MED12L: variants seen among roughly 807,000 people sequenced by gnomAD.
MED12L encodes the protein mediator of RNA polymerase II transcription subunit 12-like protein.
MED12L carries 60 observed loss-of-function variants against 281.3 expected under a neutral mutation model. The observed-to-expected ratio is 0.21, with a 90% CI of 0.17 to 0.26. The LOEUF (loss-of-function observed/expected upper bound fraction) is 0.26, where lower values mean the gene tolerates loss of function less well. Ranked by LOEUF, MED12L falls within the 10% of genes least tolerant of loss-of-function variation. The pLI, the probability that MED12L is intolerant of heterozygous loss-of-function variation, is 1.00. For missense variants in MED12L, 2,146 were observed against 2,680.9 expected, an observed-to-expected ratio of 0.80 and a Z score of 4.41; for synonymous variants, 974 against 987.2, an observed-to-expected ratio of 0.99 and a Z score of 0.25.
intron 40 of MED12L, among the ~76,000 whole-genome samples, 173 bp downstream of exon 40, chr3:151,409,505 T>G (rs1716721430): frequency 6.6e-6 from 1 of 152,254 alleles, no homozygotes; most frequent in Non-Finnish European, 1.5e-5. Context: ...ATTGTTGAAG[T>G]CTTAGGATTG....
intron 2 of MED12L, among the ~76,000 whole-genome samples, chr3:151,102,228 C>T (rs1044759221): frequency 2.6e-5 from 4 of 152,110 alleles, no homozygotes; most frequent in African/African-American, 9.7e-5. Context: ...TTATTGACCT[C>T]CTTGTGGGCT....
intron 16 of MED12L, among the ~76,000 whole-genome samples, chr3:151,208,824 G>A (rs907962883): frequency 1.6e-4 from 25 of 152,210 alleles, no homozygotes; most frequent in African/African-American, 6.0e-4. Context: ...TCTGGGGCAG[G>A]TTTAGCAGGT....
At chr3:151,207,550 G>T (rs777878914) in intron 16 of MED12L, among the ~76,000 whole-genome samples, 3 of 152,136 alleles carry the variant, frequency 2.0e-5, no homozygotes, top group Non-Finnish European at 4.4e-5. Context: ...GTGAGGAAAA[G>T]ATTGAGACCA....
intron 2 of MED12L, among the ~76,000 whole-genome samples, chr3:151,107,624 G>A (rs969968862): frequency 5.9e-5 from 9 of 152,084 alleles, no homozygotes; most frequent in South Asian, 2.1e-4. Context: ...AAAAGACAGC[G>A]TATGTGGGAT....
chr3:151,376,765 A>G lies in MED12L; in HGVS notation c.4054-35A>G, dbSNP rs772764164. 3 of 1,518,624 alleles carry G rather than the reference A, an allele frequency of 2.0e-6. No homozygotes were observed. The South Asian group carries it at 3.4e-5, about 17-fold the overall frequency. The allele number at this position is 1,518,624 out of a possible 1,614,324, so 94.1% of individuals were successfully genotyped here. A position where few individuals can be genotyped will look rare whatever the true frequency, so the allele number is the denominator to read the frequency against. On this transcript the variant is annotated intron_variant, in intron 28 of 44. Coordinates refer to ENST00000687756, the MANE Select transcript of MED12L (RefSeq NM_001393769.1). ...ATTACTGTATTTTAACACATTTGAT[A>G]CCCATAATGTTTTAATTCTTTCCAT...
At chr3:151,366,367 A>G (rs1755267561) in intron 23 of MED12L, among the ~76,000 whole-genome samples, 1 of 152,194 alleles carries the variant, frequency 6.6e-6, no homozygotes, top group South Asian at 2.1e-4. Context: ...CACATTCTGA[A>G]GAAGGCCACT....
In MED12L at chr3:151,329,206, A is replaced by G. The variant is rs6794283; in HGVS notation, c.2251-20853A>G. On this transcript the variant is annotated intron_variant, in intron 16 of 44. Coordinates refer to ENST00000687756, the MANE Select transcript of MED12L (RefSeq NM_001393769.1). ...TTAAAGCATATAATACATTTTTGGT[A>G]CTTTTAACAGTACCATTACTTTCAC... is the stretch of plus-strand genomic sequence containing the variant. 7.3e-3 allele frequency among the ~76,000 whole-genome samples: 1,117 copies of G among 152,308 alleles called. 16 individuals carry two copies. Among genetic ancestry groups the G allele is most frequent in the African/African-American group, 0.026 (1,069 of 41,568 alleles).
intron 11 of MED12L, among the ~76,000 whole-genome samples, chr3:151,178,544 C>T (rs542414244): frequency 6.6e-6 from 1 of 152,264 alleles, no homozygotes; most frequent in South Asian, 2.1e-4. Context: ...GAGTTACCTA[C>T]CCAGGTTCTT....
intron 27 of MED12L, among the ~76,000 whole-genome samples, chr3:151,374,228 A>AG (rs1756541765): frequency 1.3e-5 from 2 of 152,104 alleles, no homozygotes; most frequent in South Asian, 4.1e-4. Context: ...TTGTCAAAAA[A>AG]TGATTAATTA....
chr3:151,367,927 C>T (rs1210658604), intron 24 of MED12L, among the ~76,000 whole-genome samples, 161 bp downstream of exon 24: 4 of 151,992 alleles, frequency 2.6e-5, no homozygotes. Context: ...TTATTTTATA[C>T]AAATTAACAT....
At chr3:151,340,513 T>G (rs1056312975) in intron 16 of MED12L, 2 of 152,618 alleles carry the variant, frequency 1.3e-5, no homozygotes, top group African/African-American at 4.8e-5. Flanking sequence ...GTTTACAATT[T>G]TAAGAGAAAC....
intron 7 of MED12L, among the ~76,000 whole-genome samples, 158 bp downstream of exon 7, chr3:151,158,957 T>C (rs779796794): frequency 1.3e-4 from 20 of 152,226 alleles, no homozygotes; most frequent in Non-Finnish European, 2.4e-4. Context: ...GATAAAGGCT[T>C]CTAATAAGTT....
intron 43 of MED12L, among the ~76,000 whole-genome samples, chr3:151,429,240 G>A (rs890318378): frequency 6.6e-6 from 1 of 152,196 alleles, no homozygotes; most frequent in African/African-American, 2.4e-5. Context: ...CTCCCTCCCA[G>A]CCTCACTGTG....
intron 17 of MED12L, among the ~76,000 whole-genome samples, chr3:151,353,912 C>A (rs1290653562): frequency 1.3e-5 from 2 of 151,902 alleles, no homozygotes; most frequent in East Asian, 3.9e-4. Context: ...GAGGCCGAGG[C>A]GGGCGGATCA....
rs371628020 is a variant in MED12L, at chr3:151,253,393, T to C, written c.2250+59727T>C. ...CAGCAGCATAAGATACACATTTTAA[T>C]ATGGCTTAGATCATGTTCATTTCCA... On this transcript the variant is annotated intron_variant, in intron 16 of 44. Coordinates refer to ENST00000687756, the MANE Select transcript of MED12L (RefSeq NM_001393769.1). 2.0e-4 allele frequency among the ~76,000 whole-genome samples: 30 copies of C among 152,366 alleles called. No homozygotes were observed. In the East Asian group the frequency reaches 2.7e-3, roughly 14 times the overall value.
intron 11 of MED12L, among the ~76,000 whole-genome samples, chr3:151,167,757 T>C (rs770357499): frequency 3.3e-5 from 5 of 152,238 alleles, no homozygotes; most frequent in African/African-American, 1.2e-4. Flanking sequence ...TGCTACGTGC[T>C]CTTTTTGGGT....
intron 13 of MED12L, among the ~76,000 whole-genome samples, chr3:151,190,194 G>A (rs1027515469): frequency 7.5e-5 from 11 of 147,478 alleles, no homozygotes; most frequent in Non-Finnish European, 1.0e-4. Context: ...TTTTTGAGAT[G>A]GAGTTTCGCT....
rs192610839 is a variant in MED12L, at chr3:151,306,182, C to G, written c.2251-43877C>G. On this transcript the variant is annotated intron_variant, in intron 16 of 44. Transcript: ENST00000687756. ...ATTATAAATGTATCTTTCCCTTCTT[C>G]TGTGTCTCTCCTCCCTGCAAACGCC... 1.2e-4 allele frequency among the ~76,000 whole-genome samples: 19 copies of G among 152,338 alleles called. No individual in the cohort carries two copies. In the East Asian group the frequency reaches 3.5e-3, roughly 28 times the overall value.
In MED12L at chr3:151,192,439, C is replaced by T. The variant is rs184299230; in HGVS notation, c.1969-111C>T. 2,694 of 779,034 alleles carry T rather than the reference C, an allele frequency of 3.5e-3. 8 individuals are homozygous for T. The highest frequency in any genetic ancestry group is 4.1e-3 in the Non-Finnish European group (1,914 of 472,014). The allele number at this position is 779,034 out of a possible 1,614,324, so 48.3% of individuals were successfully genotyped here. A position where few individuals can be genotyped will look rare whatever the true frequency, so the allele number is the denominator to read the frequency against. On this transcript the variant is annotated intron_variant, in intron 14 of 44. Transcript: ENST00000687756. ...TCAATTTGCGGGGAAGAAAACAATA[C>T]GGGGAACAAAAGACAGAGATGGTTA... is the stretch of plus-strand genomic sequence containing the variant.
Sources: gnomAD v4.1 joint callset for allele counts (sites outside exome capture counted in the v4.1 genomes callset) on GRCh38, gnomAD v4.1.1 for gene constraint, MANE v1.5 for transcripts, NCBI Gene and HGNC (gene_info 2026-07-23, HGNC 2026-07-21) for gene names.